Variants in PCDH15 observed in about 807,000 individuals in gnomAD.
PCDH15 encodes protocadherin related 15, also known as protocadherin-15.
In PCDH15, 129 loss-of-function variants were observed where a neutral mutation model predicts 178.5. The ratio of observed to expected loss-of-function variants is 0.72; its 90% CI spans 0.63 to 0.84. The LOEUF (loss-of-function observed/expected upper bound fraction) is 0.84. PCDH15 is among the 40% of genes least tolerant of loss of function. The pLI is 0.00. For synonymous variants in PCDH15, 800 were observed against 732.0 expected (o/e 1.09, Z -1.50); for missense variants, 2,230 against 2,099.9 (o/e 1.06, Z -1.21).
At chr10:55,463,929 GAA>G (rs370953346) in intron 2 of PCDH15, among the ~76,000 whole-genome samples, 8,213 of 36,238 alleles carry the variant, frequency 0.23, 1,707 homozygotes, top group East Asian at 0.52. Context: ...AAGAAAGAAA[GAA>G]AGAAAGAAAG....
intron 5 of PCDH15, among the ~76,000 whole-genome samples, chr10:54,367,805 A>G (rs1947034206): frequency 1.3e-5 from 2 of 151,506 alleles, no homozygotes; most frequent in Non-Finnish European, 2.9e-5. Context: ...TAACATATAT[A>G]TATATGTGTA....
intron 2 of PCDH15, among the ~76,000 whole-genome samples, chr10:55,166,015 C>T (rs557343925): frequency 1.3e-5 from 2 of 152,048 alleles, no homozygotes; most frequent in Non-Finnish European, 2.9e-5. Context: ...ATTTTAATTT[C>T]TATTTTGTTG....
At chr10:53,823,926 G>T in intron 32 of PCDH15, 1 of 377,886 alleles carries the variant, frequency 2.6e-6, no homozygotes, top group Non-Finnish European at 5.4e-6. Context: ...AATCACAATT[G>T]AGAAATTGAA....
At chr10:55,575,624 T>C (rs1337104220) in intron 2 of PCDH15, 1 of 152,212 alleles carries the variant, frequency 6.6e-6, no homozygotes. Context: ...AATGTTAACA[T>C]TTTATAAGTG....
chr10:54,899,328 C>T (rs982752323), intron 2 of PCDH15, among the ~76,000 whole-genome samples: 3 of 151,918 alleles, frequency 2.0e-5, no homozygotes, highest in Admixed American at 6.6e-5. Flanking sequence ...GATACAAAAG[C>T]AAATATCTAT....
At chr10:54,716,333 G>T (rs561656353) in intron 1 of PCDH15, among the ~76,000 whole-genome samples, 5 of 152,162 alleles carry the variant, frequency 3.3e-5, no homozygotes, top group South Asian at 2.1e-4. Context: ...ACACCTACTG[G>T]CCTAGAGTTT....
chr10:54,578,508 G>A (rs945380742), intron 2 of PCDH15, among the ~76,000 whole-genome samples: 4 of 151,942 alleles, frequency 2.6e-5, no homozygotes, highest in African/African-American at 9.7e-5. Flanking sequence ...TACCTACATG[G>A]TTTAAAATAG....
At chr10:55,353,861 G>A (rs78170885) in intron 2 of PCDH15, among the ~76,000 whole-genome samples, 2,265 of 152,148 alleles carry the variant, frequency 0.015, 48 homozygotes, top group African/African-American at 0.052. Context: ...ATGTGAAAGT[G>A]AGTGGATAAA....
chr10:55,439,994 T>C (rs1457536705), intron 2 of PCDH15, among the ~76,000 whole-genome samples: 2 of 152,172 alleles, frequency 1.3e-5, no homozygotes, highest in African/African-American at 4.8e-5. Context: ...GTTGTACTGA[T>C]GAATGGAAAT....
At chr10:55,004,904 A>T (rs1231521216) in intron 2 of PCDH15, among the ~76,000 whole-genome samples, 2 of 152,170 alleles carry the variant, frequency 1.3e-5, no homozygotes, top group African/African-American at 4.8e-5. Context: ...CTAGAAAAAA[A>T]GTGGCAAAAT....
intron 1 of PCDH15, among the ~76,000 whole-genome samples, chr10:55,171,543 A>T (rs1839331171): frequency 6.6e-6 from 1 of 152,182 alleles, no homozygotes; most frequent in African/African-American, 2.4e-5. Context: ...AAATTAAAAA[A>T]ACAACGACAT....
intron 16 of PCDH15, among the ~76,000 whole-genome samples, chr10:54,087,859 C>T (rs2094539778): frequency 6.6e-6 from 1 of 152,152 alleles, no homozygotes; most frequent in African/African-American, 2.4e-5. Context: ...GCACCACCCT[C>T]CTTGGTCCTG....
intron 13 of PCDH15, among the ~76,000 whole-genome samples, chr10:54,171,358 G>T (rs536432948): frequency 1.6e-3 from 244 of 152,250 alleles, no homozygotes; most frequent in African/African-American, 5.5e-3. Context: ...TCCCTTCTCA[G>T]AATTCAGGCC....
intron 33 of PCDH15, among the ~76,000 whole-genome samples, chr10:53,819,399 C>T (rs141148670): frequency 2.4e-4 from 37 of 151,922 alleles, no homozygotes; most frequent in African/African-American, 8.2e-4. Flanking sequence ...TATTGCTTGT[C>T]TTGGCTCAAA....
chr10:55,196,266 T>C (rs1356756291), intron 1 of PCDH15, among the ~76,000 whole-genome samples: 4 of 152,074 alleles, frequency 2.6e-5, no homozygotes, highest in African/African-American at 9.7e-5. Flanking sequence ...GTTATCTGAG[T>C]AGGTAACATA....
In PCDH15 at chr10:54,109,080, T is replaced by C. The variant is rs138630456; in HGVS notation, c.1918-19017A>G. Reference sequence around the variant, plus strand: ...CTTCAGATGAGACTCAGTCCAGCTGTGGTGGCTATGGGAGAGACTCCTTCT... The same window carrying C: ...CTTCAGATGAGACTCAGTCCAGCTGCGGTGGCTATGGGAGAGACTCCTTCT... On this transcript the variant is annotated intron_variant, in intron 15 of 37. Transcript: ENST00000644397. 7.2e-5 allele frequency among the ~76,000 whole-genome samples: 11 copies of C among 152,264 alleles called. No individual in the cohort carries two copies. In the South Asian group the frequency reaches 1.5e-3, roughly 20 times the overall value.
intron 2 of PCDH15, among the ~76,000 whole-genome samples, chr10:55,354,930 G>A (rs1261014113): frequency 1.3e-5 from 2 of 151,754 alleles, no homozygotes; most frequent in Non-Finnish European, 2.9e-5. Flanking sequence ...CTTACACTCT[G>A]GCAACCACTG....
intron 1 of PCDH15, among the ~76,000 whole-genome samples, chr10:54,711,407 TA>T (rs2095426884): frequency 6.6e-6 from 1 of 151,888 alleles, no homozygotes; most frequent in Non-Finnish European, 1.5e-5. Context: ...CACTTGAAAA[TA>T]AGAGGACTTC....
rs2049519403 is a variant in PCDH15, at chr10:54,195,588, C to A, written c.1305+95G>T. 6.5e-6 allele frequency: 7 copies of A among 1,073,740 alleles called. No homozygotes were observed. The South Asian group carries it at 9.3e-5, about 14-fold the overall frequency. 66.5% of individuals were successfully genotyped at this position (1,073,740 alleles called of 1,614,324 possible). A position where few individuals can be genotyped will look rare whatever the true frequency, so the allele number is the denominator to read the frequency against. Reference sequence around the variant, plus strand: ...ACTTACAGTGACTTAATTCTCTCTTCTCTAGCTTATGTAGCCATATCTTTG... The same window carrying A: ...ACTTACAGTGACTTAATTCTCTCTTATCTAGCTTATGTAGCCATATCTTTG... On this transcript the variant is annotated intron_variant, in intron 11 of 37. Transcript: ENST00000644397.
Sources: gnomAD v4.1 joint callset for allele counts (sites outside exome capture counted in the v4.1 genomes callset) on GRCh38, gnomAD v4.1.1 for gene constraint, MANE v1.5 for transcripts, NCBI Gene and HGNC (gene_info 2026-07-23, HGNC 2026-07-21) for gene names.